The following DAPK2 variants were observed in gnomAD, a reference collection of about 807,000 sequenced individuals.
DAPK2 encodes the protein death associated protein kinase 2.
A neutral mutation model predicts 44.1 loss-of-function variants in DAPK2; 35 were observed. The ratio of observed to expected loss-of-function variants is 0.79; its 90% CI spans 0.61 to 1.05. The LOEUF (loss-of-function observed/expected upper bound fraction) is 1.05. DAPK2 is among the 50% of genes least tolerant of loss of function. The pLI is 0.00. For synonymous variants in DAPK2, 174 were observed against 182.6 expected, an observed-to-expected ratio of 0.95 and a Z score of 0.38; for missense variants, 453 against 483.2, an observed-to-expected ratio of 0.94 and a Z score of 0.59.
At chr15:63,991,063 C>T (rs765744607) in intron 1 of DAPK2, among the ~76,000 whole-genome samples, 44 of 152,120 alleles carry the variant, frequency 2.9e-4, no homozygotes, top group Non-Finnish European at 5.1e-4. Flanking sequence ...ATGAACAAGA[C>T]GCAGAAAACA....
At chr15:63,994,619 T>TC (rs1439069877) in intron 1 of DAPK2, among the ~76,000 whole-genome samples, 1 of 135,572 alleles carries the variant, frequency 7.4e-6, no homozygotes, top group African/African-American at 2.7e-5. Flanking sequence ...AGACGTAGTC[T>TC]CCCTCTGTCG....
chr15:63,959,361 G>C (rs1022832947), intron 3 of DAPK2, among the ~76,000 whole-genome samples: 3 of 152,124 alleles, frequency 2.0e-5, no homozygotes, highest in Admixed American at 2.0e-4. Context: ...TCTCTTGCCT[G>C]ATTGCCCTGG....
At chr15:63,972,407 G>C (rs1052762203) in intron 2 of DAPK2, among the ~76,000 whole-genome samples, 1 of 152,188 alleles carries the variant, frequency 6.6e-6, no homozygotes, top group Admixed American at 6.5e-5. Flanking sequence ...CCTGGTGAGG[G>C]ATCACAAAGA....
At chr15:64,021,371 C>G (rs1331303911) in intron 1 of DAPK2, among the ~76,000 whole-genome samples, 4 of 152,190 alleles carry the variant, frequency 2.6e-5, no homozygotes, top group African/African-American at 9.6e-5. Flanking sequence ...TGCCCCACCC[C>G]CTCCAGACAA....
chr15:64,000,186 T>TAC lies in DAPK2; in HGVS notation c.93-16434_93-16433dup, dbSNP rs3056828. Among the ~76,000 whole-genome samples, 919 of 147,922 alleles carry TAC rather than the reference T, an allele frequency of 6.2e-3. 4 individuals carry two copies. The highest frequency in any genetic ancestry group is 0.021 in the East Asian group (103 of 4,922). On this transcript the variant is annotated intron_variant, in intron 1 of 10. Coordinates refer to ENST00000261891, the Ensembl canonical transcript of DAPK2. ...GCCTGACTACTACTACTACTACTAC[T>TAC]ACACACACACACACACACACACACA... is the stretch of plus-strand genomic sequence containing the variant.
In DAPK2 at chr15:63,912,588, T is replaced by C. The variant is rs188121178; in HGVS notation, c.859-391A>G. Among the ~76,000 whole-genome samples the C allele has an allele frequency of 1.1e-3, 172 of 152,318 alleles. No individual in the cohort carries two copies. The highest frequency in any genetic ancestry group is 3.4e-3 in the Middle Eastern group (1 of 294). ...CTTGGCAAAACAAATGCCTTGTTGG[T>C]AGACGGGGAATTCATACTCCATTAA... On this transcript the variant is annotated intron_variant, in intron 8 of 10. Transcript: ENST00000261891. The surrounding 1 kb of genome is among the most constrained non-coding windows in gnomAD (Gnocchi z 4.4).
chr15:63,924,649 G>T, intron 8 of DAPK2, 167 bp downstream of exon 9: 1 of 644,914 alleles, frequency 1.6e-6, no homozygotes, highest in Non-Finnish European at 2.7e-6. Flanking sequence ...AAACCTATTC[G>T]AATAAGCCCA....
rs1555484542 is a variant in DAPK2, at chr15:64,036,315, A to ACG, written c.92+3854_92+3855insCG. Among the ~76,000 whole-genome samples the ACG allele has an allele frequency of 1.4e-4, 10 of 70,586 alleles. 1 individual carries two copies. Among genetic ancestry groups the ACG allele is most frequent in the African/African-American group, 3.3e-4 (10 of 30,012 alleles). The allele number at this position is 70,586 out of a possible 152,430, so 46.3% of individuals were successfully genotyped here. A position where few individuals can be genotyped will look rare whatever the true frequency, so the allele number is the denominator to read the frequency against. On this transcript the variant is annotated intron_variant, in intron 1 of 10. Transcript: ENST00000261891. Reference sequence around the variant, plus strand: ...TGTGTGTGTGTGTGTGTGTGTATATATATGTATATATATATATATATACAT... The same window carrying ACG: ...TGTGTGTGTGTGTGTGTGTGTATATACGTATGTATATATATATATATATACAT...
At chr15:63,988,841 C>G (rs2078736891) in intron 1 of DAPK2, among the ~76,000 whole-genome samples, 1 of 151,894 alleles carries the variant, frequency 6.6e-6, no homozygotes, top group Non-Finnish European at 1.5e-5. Flanking sequence ...CATATTCATT[C>G]TCTTTTTCAA....
intron 3 of DAPK2, among the ~76,000 whole-genome samples, chr15:63,946,798 C>G (rs1199436548): frequency 2.0e-5 from 3 of 152,178 alleles, no homozygotes; most frequent in Admixed American, 1.3e-4. Context: ...AGAGGCCCAG[C>G]CAGGGCTGTG....
At chr15:63,959,684 C>T (rs2077830860) in intron 3 of DAPK2, among the ~76,000 whole-genome samples, 1 of 152,206 alleles carries the variant, frequency 6.6e-6, no homozygotes, top group Non-Finnish European at 1.5e-5. Flanking sequence ...TTGAACCAGC[C>T]TTGCATCCCA....
At chr15:63,959,006 T>G (rs1334471113) in intron 3 of DAPK2, among the ~76,000 whole-genome samples, 4 of 152,260 alleles carry the variant, frequency 2.6e-5, no homozygotes, top group Non-Finnish European at 5.9e-5. Flanking sequence ...TTCTTCCATT[T>G]GTTTGTGTCC....
intron 1 of DAPK2, among the ~76,000 whole-genome samples, chr15:63,984,234 T>C (rs1404570562): frequency 1.3e-5 from 2 of 152,118 alleles, no homozygotes; most frequent in Non-Finnish European, 2.9e-5. Flanking sequence ...CAGAGAGTTG[T>C]ACAATTAGGA....
intron 1 of DAPK2, among the ~76,000 whole-genome samples, chr15:64,029,270 G>T (rs1595911574): frequency 6.6e-6 from 1 of 152,142 alleles, no homozygotes; most frequent in African/African-American, 2.4e-5. Flanking sequence ...TGTCTGAGTG[G>T]CTTTGTGCTT....
chr15:63,979,683 C>T (rs12592702), intron 2 of DAPK2, among the ~76,000 whole-genome samples: 81,842 of 151,850 alleles, frequency 0.54, 22,706 homozygotes, highest in East Asian at 0.96. Flanking sequence ...GAGGCCAAGG[C>T]GAGTGGATCA....
At chr15:63,933,800 C>A (rs1417525980) in intron 4 of DAPK2, among the ~76,000 whole-genome samples, 1 of 150,290 alleles carries the variant, frequency 6.7e-6, no homozygotes, top group African/African-American at 2.4e-5. Context: ...GGTCTCACTG[C>A]GTTGCCCAGG....
chr15:63,991,920 T>G lies in DAPK2; in HGVS notation c.93-8166A>C, dbSNP rs2078831400. The stretch of plus-strand genomic sequence containing the variant: ...TGGCCCCTGTCCACAAAGTCACAGG[T>G]GGCTGTTCTGTATGGGCCTGCAGCA... On this transcript the variant is annotated intron_variant, in intron 1 of 10. Transcript: ENST00000261891. Among the ~76,000 whole-genome samples the G allele has an allele frequency of 3.9e-5, 6 of 152,118 alleles. No individual in the cohort carries two copies. The South Asian group carries it at 1.2e-3, about 31-fold the overall frequency.
intron 1 of DAPK2, among the ~76,000 whole-genome samples, chr15:64,008,730 C>T (rs774867484): frequency 2.0e-5 from 3 of 152,156 alleles, no homozygotes; most frequent in Non-Finnish European, 2.9e-5. Context: ...TGCAAAAGTG[C>T]ATGAGGATAA....
Position 63,990,344 on chromosome 15 carries a change from T to C in DAPK2, c.93-6590A>G, listed in dbSNP as rs561726104. Among the ~76,000 whole-genome samples, 1 of 152,052 alleles carries C rather than the reference T, an allele frequency of 6.6e-6. No homozygotes were observed. The highest frequency in any genetic ancestry group is 2.1e-4 in the South Asian group (1 of 4,816). On this transcript the variant is annotated intron_variant, in intron 1 of 10. Coordinates refer to ENST00000261891, the Ensembl canonical transcript of DAPK2. The surrounding 1 kb of genome is among the most constrained non-coding windows in gnomAD (Gnocchi z 4.3). ...CTCGAAGGGTGAAGCACAATAATTG[T>C]TTGAACCTGGGAGGTGGAGGTTGCA... is the stretch of plus-strand genomic sequence containing the variant.
Sources: allele counts gnomAD v4.1 joint callset (sites outside exome capture counted in the v4.1 genomes callset), GRCh38; gene constraint gnomAD v4.1.1; non-coding constraint Gnocchi (gnomAD v3.1); transcripts MANE v1.5; gene names NCBI Gene and HGNC (gene_info 2026-07-23, HGNC 2026-07-21).